The following KLHDC10 variants were observed in gnomAD, a reference collection of about 807,000 sequenced individuals.
The protein encoded by KLHDC10 is kelch domain containing 10.
Under a neutral mutation model 56.1 loss-of-function variants are expected in KLHDC10, and 24 were observed. That is an observed-to-expected ratio of 0.43 (90% CI 0.31 to 0.60). The LOEUF is 0.60. Among genes scored for constraint, KLHDC10 ranks in the 20% least tolerant of loss-of-function variants. KLHDC10 has a pLI of 0.11. For synonymous variants in KLHDC10, 188 were observed against 207.1 expected (o/e 0.91, Z 0.79); for missense variants, 349 against 567.0 (o/e 0.62, Z 3.91).
At chr7:130,097,380 T>C (rs1795863405) in intron 2 of KLHDC10, among the ~76,000 whole-genome samples, 1 of 152,044 alleles carries the variant, frequency 6.6e-6, no homozygotes, top group South Asian at 2.1e-4. Flanking sequence ...GATTATGTAA[T>C]GGTATAAAAT....
chr7:130,093,300 G>GCTCAAGCAGTTCTCCTGCC (rs147215443), intron 1 of KLHDC10, among the ~76,000 whole-genome samples: 1 of 152,038 alleles, frequency 6.6e-6, no homozygotes, highest in Non-Finnish European at 1.5e-5. Context: ...TGCCTCCTGG[G>GCTCAAGCAGTTCTCCTGCC]CTCAAGCAGT....
intron 2 of KLHDC10, among the ~76,000 whole-genome samples, chr7:130,111,483 C>T (rs1037886891): frequency 1.3e-5 from 2 of 152,020 alleles, no homozygotes; most frequent in African/African-American, 2.4e-5. Flanking sequence ...GCAGGAGGAT[C>T]ATTTGAGCTT....
chr7:130,111,136 C>T (rs899707313), intron 2 of KLHDC10, among the ~76,000 whole-genome samples: 2 of 151,898 alleles, frequency 1.3e-5, no homozygotes, highest in African/African-American at 4.8e-5. Flanking sequence ...GGACAGTAGC[C>T]TGTTTATTTT....
rs1463175110 is a variant in KLHDC10 at position 130,134,605 on chromosome 7, T to C, written c.*3859T>C. 3 of 151,518 alleles carry C rather than the reference T, an allele frequency of 2.0e-5. No individual in the cohort carries two copies. Among genetic ancestry groups the C allele is most frequent in the African/African-American group, 7.3e-5 (3 of 41,356 alleles). 9.4% of individuals were successfully genotyped at this position (151,518 alleles called of 1,614,324 possible). A position where few individuals can be genotyped will look rare whatever the true frequency, so the allele number is the denominator to read the frequency against. ...AAGGTTGAATGATCCTCTAAGACTG[T>C]GTTGGTCTTCGTATTCTGTAAAACC... On this transcript the variant is annotated 3_prime_UTR_variant, in exon 10 of 10. Transcript: ENST00000335420.
At chr7:130,088,572 G>A (rs962897543) in intron 1 of KLHDC10, among the ~76,000 whole-genome samples, 3 of 151,464 alleles carry the variant, frequency 2.0e-5, no homozygotes, top group African/African-American at 7.3e-5. Context: ...CACCAGTCCC[G>A]GCCGTGTCTT....
intron 1 of KLHDC10, among the ~76,000 whole-genome samples, chr7:130,073,873 C>T (rs1259923104): frequency 1.3e-5 from 2 of 152,136 alleles, no homozygotes; most frequent in African/African-American, 4.8e-5. Context: ...TTACTCCTGC[C>T]ATAACTCCAA....
intron 1 of KLHDC10, among the ~76,000 whole-genome samples, chr7:130,075,725 A>C (rs1037429446): frequency 1.3e-5 from 2 of 152,150 alleles, no homozygotes; most frequent in Non-Finnish European, 2.9e-5. Flanking sequence ...TTACTGCTTA[A>C]ATTTTGATAG....
chr7:130,109,743 A>G (rs1796075450), intron 2 of KLHDC10, among the ~76,000 whole-genome samples: 1 of 152,118 alleles, frequency 6.6e-6, no homozygotes, highest in African/African-American at 2.4e-5. Context: ...GTTTCAAGCG[A>G]TTCTCATGCC....
chr7:130,106,050 G>A (rs1248518961), intron 2 of KLHDC10, among the ~76,000 whole-genome samples: 3 of 152,060 alleles, frequency 2.0e-5, no homozygotes, highest in Non-Finnish European at 4.4e-5. Context: ...TCGGGAGACT[G>A]AGACAGGAGA....
At chr7:130,084,845 G>A (rs992510628) in intron 1 of KLHDC10, among the ~76,000 whole-genome samples, 3 of 151,928 alleles carry the variant, frequency 2.0e-5, no homozygotes, top group African/African-American at 4.8e-5. Flanking sequence ...CAAATGTGAT[G>A]GAACAGATCT....
intron 3 of KLHDC10, among the ~76,000 whole-genome samples, chr7:130,119,246 CA>C: frequency 6.6e-6 from 1 of 151,744 alleles, no homozygotes; most frequent in Non-Finnish European, 1.5e-5. Context: ...TGTGGTGCCT[CA>C]CCCCTGTAAT....
At chr7:130,108,916 T>G (rs929394804) in intron 2 of KLHDC10, among the ~76,000 whole-genome samples, 1 of 151,978 alleles carries the variant, frequency 6.6e-6, no homozygotes, top group Non-Finnish European at 1.5e-5. Flanking sequence ...GATGTCTTGC[T>G]CTCTCTCTCT....
At position 130,117,010 on chromosome 7, in the gene KLHDC10, C is replaced by T. The variant is rs116990913; in HGVS notation, c.475+344C>T. Among the ~76,000 whole-genome samples the T allele has an allele frequency of 6.1e-3, 932 of 152,248 alleles. 4 individuals carry two copies. Among genetic ancestry groups the T allele is most frequent in the Middle Eastern group, 0.024 (7 of 294 alleles). The stretch of plus-strand genomic sequence containing the variant: ...GCTGTTGAGCAAAGTACAGGCATAC[C>T]TCAGAGATGTCCTGGGTTTAGTTTC... On this transcript the variant is annotated intron_variant, in intron 3 of 9. Transcript: ENST00000335420.
chr7:130,115,500 G>C (rs1796154490), intron 2 of KLHDC10, among the ~76,000 whole-genome samples: 1 of 151,974 alleles, frequency 6.6e-6, no homozygotes, highest in Non-Finnish European at 1.5e-5. Context: ...CTGATCACCT[G>C]AGGTCAGGAG....
At chr7:130,089,385 G>C (rs550266097) in intron 1 of KLHDC10, among the ~76,000 whole-genome samples, 4 of 152,198 alleles carry the variant, frequency 2.6e-5, no homozygotes, top group Admixed American at 6.5e-5. Flanking sequence ...TTGAGTCCAG[G>C]AGTTCAAGAC....
chr7:130,080,082 C>T (rs1165146595), intron 1 of KLHDC10, among the ~76,000 whole-genome samples: 1 of 152,094 alleles, frequency 6.6e-6, no homozygotes, highest in East Asian at 1.9e-4. Context: ...GCTAGGACTA[C>T]AGGCGTGCAC....
At chr7:130,094,554 C>T (rs1229749503) in intron 1 of KLHDC10, among the ~76,000 whole-genome samples, 1 of 152,078 alleles carries the variant, frequency 6.6e-6, no homozygotes, top group Non-Finnish European at 1.5e-5. Context: ...TAACTACAGT[C>T]AAATACATTA....
chr7:130,083,823 C>A (rs1318080464), intron 1 of KLHDC10, among the ~76,000 whole-genome samples: 1 of 152,170 alleles, frequency 6.6e-6, no homozygotes, highest in Admixed American at 6.5e-5. Context: ...CTGCCTTGAT[C>A]TCCCTTCATT....
At chr7:130,112,804 G>C (rs1454980788) in intron 2 of KLHDC10, among the ~76,000 whole-genome samples, 1 of 152,178 alleles carries the variant, frequency 6.6e-6, no homozygotes, top group Non-Finnish European at 1.5e-5. Context: ...TCAGCTATGA[G>C]ATTCCTTGAC....
Sources: allele counts gnomAD v4.1 joint callset (sites outside exome capture counted in the v4.1 genomes callset), GRCh38; gene constraint gnomAD v4.1.1; transcripts MANE v1.5; gene names NCBI Gene and HGNC (gene_info 2026-07-23, HGNC 2026-07-21).